Variants in DOCK2 observed in about 807,000 individuals in gnomAD.
The protein encoded by DOCK2 is dedicator of cytokinesis protein 2.
In DOCK2, 87 loss-of-function variants were observed where a neutral mutation model predicts 248.9. That is an observed-to-expected ratio of 0.35 (90% CI 0.29 to 0.42). The LOEUF (loss-of-function observed/expected upper bound fraction) is 0.42. DOCK2 is among the 10% of genes least tolerant of loss of function. DOCK2 has a pLI of 1.00. For synonymous variants in DOCK2, 805 were observed against 821.6 expected (o/e 0.98, Z 0.35); for missense variants, 1,747 against 2,300.2 (o/e 0.76, Z 4.92).
chr5:170,080,384 G>A, intron 50 of DOCK2, 101 bp downstream of exon 50: 3 of 1,543,632 alleles, frequency 1.9e-6, no homozygotes, highest in Non-Finnish European at 2.6e-6. Flanking sequence ...ACAACAAAGT[G>A]GGCCAGGCAT....
At chr5:169,974,309 G>A (rs755241975) in intron 27 of DOCK2, among the ~76,000 whole-genome samples, 11 of 152,176 alleles carry the variant, frequency 7.2e-5, no homozygotes, top group Non-Finnish European at 1.0e-4. Flanking sequence ...TGGCTATTAC[G>A]ATCATCAGTG....
chr5:169,856,153 A>G (rs1770878890), intron 27 of DOCK2, among the ~76,000 whole-genome samples: 1 of 152,158 alleles, frequency 6.6e-6, no homozygotes, highest in African/African-American at 2.4e-5. Context: ...GGGGATTACA[A>G]CTCAAGATGA....
intron 27 of DOCK2, among the ~76,000 whole-genome samples, chr5:169,849,582 A>G (rs546940472): frequency 2.2e-4 from 34 of 152,260 alleles, no homozygotes; most frequent in Non-Finnish European, 4.0e-4. Context: ...TGGTTTTATG[A>G]TGACAATGAT....
At chr5:169,766,749 T>TG (rs1764818526) in intron 25 of DOCK2, among the ~76,000 whole-genome samples, 1 of 152,168 alleles carries the variant, frequency 6.6e-6, no homozygotes, top group African/African-American at 2.4e-5. Flanking sequence ...CACCAGAATC[T>TG]GTTAATTTTT....
At position 169,670,482 on chromosome 5, in the gene DOCK2, A is replaced by G. The variant is rs542615617; in HGVS notation, c.169-60A>G. On this transcript the variant is annotated intron_variant, in intron 3 of 51. Transcript: ENST00000520908. ...AAATTATAAAGACGTAGGGTCATTC[A>G]TTTCTGTGGTGATATATCTTTTTAT... The G allele has an allele frequency of 4.2e-5, 66 of 1,581,798 alleles. 1 individual carries two copies. Among genetic ancestry groups the G allele is most frequent in the African/African-American group, 2.1e-4 (15 of 72,950 alleles).
At chr5:169,943,169 C>T (rs1036291023) in intron 27 of DOCK2, among the ~76,000 whole-genome samples, 4 of 152,148 alleles carry the variant, frequency 2.6e-5, no homozygotes, top group Admixed American at 1.3e-4. Context: ...CTAAAGTACC[C>T]GTGTGAAGTT....
intron 5 of DOCK2, among the ~76,000 whole-genome samples, chr5:169,673,467 A>G (rs1395331278): frequency 6.6e-6 from 1 of 152,148 alleles, no homozygotes; most frequent in Non-Finnish European, 1.5e-5. Flanking sequence ...AGTACTTGAC[A>G]CAATTAGAAG....
intron 26 of DOCK2, among the ~76,000 whole-genome samples, chr5:169,804,388 T>C (rs1767180018): frequency 2.6e-5 from 4 of 151,844 alleles, no homozygotes. Flanking sequence ...CTATCCCCAA[T>C]ATATAACGAC....
chr5:170,044,747 A>G (rs1756639622), intron 38 of DOCK2, among the ~76,000 whole-genome samples: 1 of 152,044 alleles, frequency 6.6e-6, no homozygotes. Flanking sequence ...ATTTATTTTT[A>G]TGCTTGGATG....
At chr5:170,033,394 C>T (rs1459969517) in intron 34 of DOCK2, among the ~76,000 whole-genome samples, 1 of 152,180 alleles carries the variant, frequency 6.6e-6, no homozygotes, top group East Asian at 1.9e-4. Flanking sequence ...ATAATTTACA[C>T]ATACTTAAAT....
chr5:169,782,495 C>G (rs902394303), intron 25 of DOCK2, among the ~76,000 whole-genome samples: 3 of 149,808 alleles, frequency 2.0e-5, no homozygotes, highest in African/African-American at 7.4e-5. Context: ...GCAGCTTCCT[C>G]CTTAGTTTTT....
At chr5:169,648,592 C>A (rs372250865) in intron 1 of DOCK2, among the ~76,000 whole-genome samples, 1 of 152,144 alleles carries the variant, frequency 6.6e-6, no homozygotes, top group Admixed American at 6.5e-5. Flanking sequence ...GAGTGTGCTC[C>A]GGAGCCAGCC....
intron 26 of DOCK2, among the ~76,000 whole-genome samples, chr5:169,823,947 A>G (rs1301904171): frequency 1.3e-5 from 2 of 152,250 alleles, no homozygotes; most frequent in Non-Finnish European, 1.5e-5. Flanking sequence ...ATCAATGTGC[A>G]AAAATCACAA....
At chr5:169,867,950 C>T (rs1362742450) in intron 27 of DOCK2, among the ~76,000 whole-genome samples, 1 of 152,196 alleles carries the variant, frequency 6.6e-6, no homozygotes, top group African/African-American at 2.4e-5. Flanking sequence ...ACCAGGAACA[C>T]ACATAGTTCA....
intron 27 of DOCK2, among the ~76,000 whole-genome samples, chr5:169,841,774 A>T (rs1238239392): frequency 6.6e-6 from 1 of 152,080 alleles, no homozygotes; most frequent in Non-Finnish European, 1.5e-5. Flanking sequence ...TATTTTTCTA[A>T]TTACGTATAA....
At chr5:169,762,160 A>G (rs1764523277) in intron 25 of DOCK2, among the ~76,000 whole-genome samples, 1 of 152,218 alleles carries the variant, frequency 6.6e-6, no homozygotes, top group Non-Finnish European at 1.5e-5. Flanking sequence ...CCATGTGGAA[A>G]TGGTCCCTCC....
intron 22 of DOCK2, among the ~76,000 whole-genome samples, chr5:169,728,425 T>G (rs970391474): frequency 4.6e-5 from 7 of 151,642 alleles, no homozygotes; most frequent in Non-Finnish European, 2.9e-5. Context: ...ATTGAAGGGA[T>G]GGGTGAAAAA....
chr5:169,647,491 C>T (rs1377955700), intron 1 of DOCK2, among the ~76,000 whole-genome samples: 2 of 152,096 alleles, frequency 1.3e-5, no homozygotes, highest in Non-Finnish European at 2.9e-5. Context: ...CATCCATTTC[C>T]CTGTCAGGAG....
rs181065770 is a variant in DOCK2 at position 169,902,750 on chromosome 5, C to T, written c.2799+61898C>T. ...GAAAATGGGTTGGGTACTAGGGACACGGCAGTGAGCTCAGACATTCTCCCA... is the reference window on the plus strand; with the variant it reads ...GAAAATGGGTTGGGTACTAGGGACATGGCAGTGAGCTCAGACATTCTCCCA... On this transcript the variant is annotated intron_variant, in intron 27 of 51. Coordinates refer to ENST00000520908, the MANE Select transcript of DOCK2 (RefSeq NM_004946.3). Among the ~76,000 whole-genome samples the T allele has an allele frequency of 2.1e-3, 313 of 152,208 alleles. 1 individual carries two copies. Among genetic ancestry groups the T allele is most frequent in the Non-Finnish European group, 3.9e-3 (264 of 68,014 alleles).
Sources: allele counts gnomAD v4.1 joint callset (sites outside exome capture counted in the v4.1 genomes callset), GRCh38; gene constraint gnomAD v4.1.1; transcripts MANE v1.5; gene names NCBI Gene and HGNC (gene_info 2026-07-23, HGNC 2026-07-21).